The following GPRIN3 variants were observed in gnomAD, a reference collection of about 807,000 sequenced individuals.
GPRIN3 encodes G protein-regulated inducer of neurite outgrowth 3.
A neutral mutation model predicts 13.7 loss-of-function variants in GPRIN3; 12 were observed. The observed-to-expected ratio is 0.87, with a 90% confidence interval of 0.56 to 1.42. GPRIN3 has a LOEUF of 1.42. Ranked by LOEUF, GPRIN3 falls within the 40% of genes most tolerant of loss-of-function variation. The pLI is 0.00. For missense variants in GPRIN3, 1,009 were observed against 958.7 expected (o/e 1.05, Z -0.69); for synonymous variants, 377 against 372.7 (o/e 1.01, Z -0.13).
intron 1 of GPRIN3, among the ~76,000 whole-genome samples, chr4:89,258,451 G>A (rs905683280): frequency 4.6e-5 from 7 of 152,036 alleles, no homozygotes; most frequent in African/African-American, 1.7e-4. Flanking sequence ...TCCTGACCTC[G>A]TGATCCACTC....
chr4:89,271,346 A>G (rs1723944496), intron 1 of GPRIN3, among the ~76,000 whole-genome samples: 1 of 152,156 alleles, frequency 6.6e-6, no homozygotes. Context: ...TAGGAATGGC[A>G]GGATCAAAGA....
At position 89,248,755 on chromosome 4, in the gene GPRIN3, A is replaced by G. The variant is rs1327293730; in HGVS notation, c.1356T>C (p.Ala452=). The change falls in exon 2 of 2, where the codon GCT becomes GCC. Residue 452 remains alanine (A), a synonymous_variant. Coordinates refer to ENST00000609438, the MANE Select transcript of GPRIN3 (RefSeq NM_198281.3). ...GMTPVREEST[A]KKLAGTNSSS... ...TAGAATTAGTACCTGCGAGCTTTTT[A>G]GCAGTTGACTCTTCCCTCACTGGAG... 1.2e-6 allele frequency: 2 copies of G among 1,614,156 alleles called. No individual in the cohort carries two copies. Among genetic ancestry groups the G allele is most frequent in the South Asian group, 1.1e-5 (1 of 91,084 alleles).
intron 1 of GPRIN3, among the ~76,000 whole-genome samples, chr4:89,258,139 A>G (rs1344554852): frequency 6.6e-6 from 1 of 151,832 alleles, no homozygotes; most frequent in African/African-American, 2.4e-5. Flanking sequence ...GAGTATCAAA[A>G]GAAAAGCATA....
rs570754033 is a variant in GPRIN3, at chr4:89,249,431, A to T, written c.680T>A (p.Ile227Asn). 3 of 1,614,108 alleles carry T rather than the reference A, an allele frequency of 1.9e-6. No individual in the cohort carries two copies. The highest frequency in any genetic ancestry group is 4.5e-5 in the East Asian group (2 of 44,858). ...GGPEGERQGA[I>N]CDSEMRSCKP... ...ACAGGACCTCATTTCAGAGTCACAG[A>T]TGGCTCCCTGCCTTTCCCCTTCAGG... is the stretch of plus-strand genomic sequence containing the variant. The change falls in exon 2 of 2, where the codon ATC (isoleucine) becomes AAC (asparagine). Residue 227 changes from isoleucine (I) to asparagine (N), a missense_variant. Ile to Asn is a moderately radical substitution (Grantham distance 149, BLOSUM62 -3). Transcript: ENST00000609438.
At position 89,248,135 on chromosome 4, in the gene GPRIN3, GTGAGTCCTACC is replaced by G. The variant is rs1561175609; in HGVS notation, c.1965_1975del (p.Gln655HisfsTer5). 2 of 1,614,148 alleles carry G rather than the reference GTGAGTCCTACC, an allele frequency of 1.2e-6. No individual in the cohort carries two copies. The highest frequency in any genetic ancestry group is 4.5e-5 in the East Asian group (2 of 44,864). On this transcript the variant is annotated frameshift_variant, in exon 2 of 2. Transcript: ENST00000609438. LOFTEE classifies it high-confidence loss of function. ...AAGCTGCTTTTTCTTATCTCCTGGA[GTGAGTCCTACC>G]TGAGCAGCAGCTGCTGTCACATTTA...
intron 1 of GPRIN3, among the ~76,000 whole-genome samples, chr4:89,270,909 T>C (rs1253065487): frequency 6.6e-6 from 1 of 151,994 alleles, no homozygotes; most frequent in East Asian, 1.9e-4. Flanking sequence ...ATTGTGGAAG[T>C]GGAAACTGAA....
At chr4:89,305,767 G>A (rs1725017217) in intron 1 of GPRIN3, among the ~76,000 whole-genome samples, 1 of 152,172 alleles carries the variant, frequency 6.6e-6, no homozygotes, top group African/African-American at 2.4e-5. Context: ...AGCATATTGG[G>A]CAATTTTTTT....
At chr4:89,306,713 T>G (rs1214642254) in intron 1 of GPRIN3, among the ~76,000 whole-genome samples, 4 of 152,134 alleles carry the variant, frequency 2.6e-5, no homozygotes, top group Admixed American at 2.6e-4. Flanking sequence ...TCGGCTGCTT[T>G]GTGGACATTC....
Position 89,250,181 on chromosome 4 carries a change from G to C in GPRIN3, c.-71C>G. ...CCCACTGGTGGGGGAGGGGAGCGCA[G>C]TCAGAGCTCAGAGTGATGACACAGT... On this transcript the variant is annotated 5_prime_UTR_variant, in exon 2 of 2. Coordinates refer to ENST00000609438, the MANE Select transcript of GPRIN3 (RefSeq NM_198281.3). 1 of 1,536,422 alleles carries C rather than the reference G, an allele frequency of 6.5e-7. No homozygotes were observed. The highest frequency in any genetic ancestry group is 1.3e-5 in the South Asian group (1 of 77,440).
chr4:89,246,869 G>C lies in GPRIN3; in HGVS notation c.*911C>G, dbSNP rs1172171360. ...ATCTGCTATTTATAGTTCCTGACCAGAACCTTAGCATTCTCAGTAGAATAT... is the reference window on the plus strand; with the variant it reads ...ATCTGCTATTTATAGTTCCTGACCACAACCTTAGCATTCTCAGTAGAATAT... On this transcript the variant is annotated 3_prime_UTR_variant, in exon 2 of 2. Transcript: ENST00000609438. The C allele has an allele frequency of 6.6e-6, 1 of 152,194 alleles. No homozygotes were observed. The highest frequency in any genetic ancestry group is 1.5e-5 in the Non-Finnish European group (1 of 68,036). The allele number at this position is 152,194 out of a possible 1,614,324, so 9.4% of individuals were successfully genotyped here. A position where few individuals can be genotyped will look rare whatever the true frequency, so the allele number is the denominator to read the frequency against.
intron 1 of GPRIN3, among the ~76,000 whole-genome samples, chr4:89,296,884 T>A (rs1472311221): frequency 6.6e-6 from 1 of 152,240 alleles, no homozygotes; most frequent in African/African-American, 2.4e-5. Context: ...TTAAATGTCT[T>A]ATTGCTCATT....
At chr4:89,257,516 T>A (rs1255157030) in intron 1 of GPRIN3, among the ~76,000 whole-genome samples, 2 of 152,194 alleles carry the variant, frequency 1.3e-5, no homozygotes, top group Non-Finnish European at 2.9e-5. Flanking sequence ...GTATGTGAAC[T>A]CATCTACTCC....
In GPRIN3 at chr4:89,249,913, C is replaced by T. The variant is rs1242582902; in HGVS notation, c.198G>A (p.Met66Ile). Residue 66 changes from methionine (M) to isoleucine (I), a missense_variant, in exon 2 of 2, where the codon ATG becomes ATA. Met to Ile is a conservative substitution (Grantham distance 10, BLOSUM62 1). Coordinates refer to ENST00000609438, the MANE Select transcript of GPRIN3 (RefSeq NM_198281.3). ...LSPRAAAEAL[M>I]QVCEHETTQP... ...GGGTGGTCTCATGCTCACAAACCTG[C>T]ATCAGGGCTTCGGCAGCTGCCCTGG... 1.2e-6 allele frequency: 2 copies of T among 1,614,102 alleles called. No individual in the cohort carries two copies. Among genetic ancestry groups the T allele is most frequent in the South Asian group, 1.1e-5 (1 of 91,090 alleles).
At chr4:89,272,969 A>T (rs1036165452) in intron 1 of GPRIN3, among the ~76,000 whole-genome samples, 2 of 152,210 alleles carry the variant, frequency 1.3e-5, no homozygotes, top group Non-Finnish European at 2.9e-5. Context: ...AATCTAGCAC[A>T]TAGAGCTTTA....
intron 1 of GPRIN3, 100 bp downstream of exon 1, chr4:89,307,515 T>G (rs537124262): frequency 2.7e-4 from 41 of 152,302 alleles, no homozygotes; most frequent in African/African-American, 9.6e-4. Context: ...CTGTGCAAAA[T>G]GTGGGACCGA....
intron 1 of GPRIN3, among the ~76,000 whole-genome samples, chr4:89,299,477 G>GA (rs1724834832): frequency 6.6e-6 from 1 of 152,168 alleles, no homozygotes; most frequent in Non-Finnish European, 1.5e-5. Context: ...CCCTACCGAA[G>GA]AGATCTGTCT....
rs35079289 is a variant in GPRIN3 at position 89,249,275 on chromosome 4, G to A, written c.836C>T (p.Pro279Leu). 7.0e-4 allele frequency: 1,123 copies of A among 1,614,074 alleles called. 16 individuals carry two copies. In the Admixed American group the frequency reaches 0.016, roughly 23 times the overall value. The stretch of plus-strand genomic sequence containing the variant: ...TGGCAGCGGCACCTTCTCTGGACCT[G>A]GGGGACATGCCGAAGGTTCGCTAGT... Reference protein sequence around the residue: ...PLTSEPSACPPGPEKVPLPAQ... With the variant: ...PLTSEPSACPLGPEKVPLPAQ... The change falls in exon 2 of 2, where the codon CCA (proline) becomes CTA (leucine). Residue 279 changes from proline to leucine, a missense_variant. Pro to Leu is a moderately conservative substitution (Grantham distance 98). Coordinates refer to ENST00000609438, the MANE Select transcript of GPRIN3 (RefSeq NM_198281.3).
chr4:89,288,820 C>T lies in GPRIN3; in HGVS notation c.-124+18795G>A, dbSNP rs566442859. On this transcript the variant is annotated intron_variant, in intron 1 of 1. Coordinates refer to ENST00000609438, the MANE Select transcript of GPRIN3 (RefSeq NM_198281.3). Reference sequence around the variant, plus strand: ...ATGAGAATAAATTTCAATAACAGTACGAATAATAGCTCCTCCTGTGTATAA... The same window carrying T: ...ATGAGAATAAATTTCAATAACAGTATGAATAATAGCTCCTCCTGTGTATAA... Among the ~76,000 whole-genome samples, 34 of 152,204 alleles carry T rather than the reference C, an allele frequency of 2.2e-4. No homozygotes were observed. The South Asian group carries it at 6.0e-3, about 27-fold the overall frequency.
chr4:89,249,191 C>A lies in GPRIN3; in HGVS notation c.920G>T (p.Ser307Ile). 1 of 1,614,200 alleles carries A rather than the reference C, an allele frequency of 6.2e-7. No individual in the cohort carries two copies. Among genetic ancestry groups the A allele is most frequent in the Non-Finnish European group, 8.5e-7 (1 of 1,180,032 alleles). ...CCTGCTGGGAACTTCCTTGATTTCA[C>A]TTTCAGCTTGGTTGGTCATCGTACT... ...EASTMTNQAESEIKEVPSRAW... is the reference protein window; with the variant it reads ...EASTMTNQAEIEIKEVPSRAW... Residue 307 changes from serine to isoleucine, a missense_variant, in exon 2 of 2, where the codon AGT (serine) becomes ATT (isoleucine). Transcript: ENST00000609438.
Sources: allele counts gnomAD v4.1 joint callset (sites outside exome capture counted in the v4.1 genomes callset), GRCh38; gene constraint gnomAD v4.1.1; transcripts MANE v1.5; gene names NCBI Gene and HGNC (gene_info 2026-07-23, HGNC 2026-07-21).